Variants in GRAMD1C observed in about 807,000 individuals in gnomAD.
GRAMD1C encodes the protein GRAM domain containing 1C, also known as protein Aster-C.
A neutral mutation model predicts 97.8 loss-of-function variants in GRAMD1C; 89 were observed. The observed-to-expected ratio is 0.91, with a 90% CI of 0.77 to 1.09. GRAMD1C has a LOEUF of 1.09. Ranked by LOEUF, GRAMD1C falls within the 50% of genes least tolerant of loss-of-function variation. The pLI, the probability that GRAMD1C is intolerant of heterozygous loss-of-function variation, is 0.00. For missense variants in GRAMD1C, 740 were observed against 766.4 expected, an observed-to-expected ratio of 0.97 and a Z score of 0.41; for synonymous variants, 256 against 267.0, an observed-to-expected ratio of 0.96 and a Z score of 0.40.
In GRAMD1C at chr3:113,914,388, A is replaced by G. The variant is rs190330373; in HGVS notation, c.953-1313A>G. 5.9e-5 allele frequency among the ~76,000 whole-genome samples: 9 copies of G among 152,338 alleles called. No individual in the cohort carries two copies. The East Asian group carries it at 1.5e-3, about 26-fold the overall frequency. On this transcript the variant is annotated intron_variant, in intron 9 of 17. Transcript: ENST00000358160. ...AAAATAGGGAGACACAAATCATCCAATGAGGGATAAACAGCAGTAGTTGGG... is the reference window on the plus strand; with the variant it reads ...AAAATAGGGAGACACAAATCATCCAGTGAGGGATAAACAGCAGTAGTTGGG...
intron 11 of GRAMD1C, among the ~76,000 whole-genome samples, chr3:113,931,362 A>C (rs1036020936): frequency 7.0e-6 from 1 of 143,044 alleles, no homozygotes; most frequent in African/African-American, 2.6e-5. Context: ...ATATATTCAA[A>C]TTTTTTTTTT....
chr3:113,920,169 C>T, intron 10 of GRAMD1C: 1 of 1,394,786 alleles, frequency 7.2e-7, no homozygotes, highest in Non-Finnish European at 1.0e-6. Flanking sequence ...TCTCCAGAAT[C>T]ACAGGCATCT....
At chr3:113,849,618 C>T (rs1029964523) in intron 2 of GRAMD1C, among the ~76,000 whole-genome samples, 1 of 152,112 alleles carries the variant, frequency 6.6e-6, no homozygotes, top group Non-Finnish European at 1.5e-5. Context: ...GGGGTAAGGT[C>T]ACAGATCAAC....
At chr3:113,942,893 T>G (rs939757790) in intron 17 of GRAMD1C, among the ~76,000 whole-genome samples, 3 of 152,200 alleles carry the variant, frequency 2.0e-5, no homozygotes, top group Non-Finnish European at 4.4e-5. Context: ...GAGGATTCTT[T>G]AGGGTTAATT....
chr3:113,888,085 C>T (rs1338749153), intron 6 of GRAMD1C, among the ~76,000 whole-genome samples: 1 of 152,066 alleles, frequency 6.6e-6, no homozygotes, highest in Non-Finnish European at 1.5e-5. Context: ...CAATCCTTCA[C>T]CCAGTATTCT....
At chr3:113,905,813 A>G (rs1003844040) in intron 8 of GRAMD1C, among the ~76,000 whole-genome samples, 1 of 152,068 alleles carries the variant, frequency 6.6e-6, no homozygotes, top group African/African-American at 2.4e-5. Flanking sequence ...CTTCTGGCTC[A>G]GCCTCCTGAG....
At chr3:113,912,761 C>G (rs1441301920) in intron 9 of GRAMD1C, among the ~76,000 whole-genome samples, 1 of 151,582 alleles carries the variant, frequency 6.6e-6, no homozygotes, top group Non-Finnish European at 1.5e-5. Flanking sequence ...AGATTTAATA[C>G]TTTTTATGTT....
At position 113,928,093 on chromosome 3, in the gene GRAMD1C, T is replaced by C. The variant is rs144726384; in HGVS notation, c.1091-2621T>C. On this transcript the variant is annotated intron_variant, in intron 10 of 17. Coordinates refer to ENST00000358160, the MANE Select transcript of GRAMD1C (RefSeq NM_017577.5). ...CCAGGGAGCTCTCACTCACTCATCCTTTCCCATATTGAGGAGCTTTTCCTG... is the reference window on the plus strand; with the variant it reads ...CCAGGGAGCTCTCACTCACTCATCCCTTCCCATATTGAGGAGCTTTTCCTG... Among the ~76,000 whole-genome samples the C allele has an allele frequency of 2.8e-3, 421 of 152,292 alleles. 4 individuals are homozygous for C. The highest frequency in any genetic ancestry group is 4.4e-3 in the Non-Finnish European group (299 of 68,026).
intron 4 of GRAMD1C, 113 bp downstream of exon 4, chr3:113,875,700 C>T: frequency 1.6e-6 from 1 of 606,396 alleles, no homozygotes; most frequent in South Asian, 2.1e-5. Context: ...TATATTTGTG[C>T]ATCTAAATTA....
In GRAMD1C at chr3:113,869,536, T is replaced by A; in HGVS notation, c.204T>A (p.Asn68Lys). 6.5e-7 allele frequency: 1 copy of A among 1,536,560 alleles called. No individual in the cohort carries two copies. The highest frequency in any genetic ancestry group is 8.9e-7 in the Non-Finnish European group (1 of 1,119,540). ...CAAGTTCCACCTATAAAGACAGGAA[T>A]GAGGAATACAGAAGACAGTTCACAC... ...WISSSTYKDR[N>K]EEYRRQFTHL... is the part of the protein sequence containing the mutation. Residue 68 changes from asparagine to lysine, a missense_variant, in exon 3 of 18, where the codon AAT becomes AAA. Transcript: ENST00000358160.
At chr3:113,915,268 C>T (rs981324326) in intron 9 of GRAMD1C, among the ~76,000 whole-genome samples, 3 of 152,108 alleles carry the variant, frequency 2.0e-5, no homozygotes, top group African/African-American at 7.2e-5. Context: ...ATATTATAGC[C>T]ATTGATAAAT....
intron 5 of GRAMD1C, among the ~76,000 whole-genome samples, chr3:113,878,021 C>T (rs1935115631): frequency 6.6e-6 from 1 of 152,178 alleles, no homozygotes; most frequent in African/African-American, 2.4e-5. Flanking sequence ...CTCAGGCGAT[C>T]CGCTCACCTT....
At chr3:113,834,732 G>A (rs1022612548), upstream of GRAMD1C, among the ~76,000 whole-genome samples, 8 of 149,502 alleles carry the variant, frequency 5.4e-5, no homozygotes, top group African/African-American at 2.0e-4. Context: ...TCAGGAGTTC[G>A]AGACGAGCCT....
At position 113,857,619 on chromosome 3, in the gene GRAMD1C, T is replaced by G. The variant is rs770802536; in HGVS notation, c.175-11888T>G. On this transcript the variant is annotated intron_variant, in intron 2 of 17. Transcript: ENST00000358160. The stretch of plus-strand genomic sequence containing the variant: ...TCTCGATCGCCTGACCTCGTGATCC[T>G]CCCACCTTGGCCTCCCAAAGTGCTG... 5.9e-5 allele frequency among the ~76,000 whole-genome samples: 9 copies of G among 151,974 alleles called. No homozygotes were observed. The East Asian group carries it at 7.7e-4, about 13-fold the overall frequency.
intron 9 of GRAMD1C, among the ~76,000 whole-genome samples, chr3:113,915,191 T>TG (rs2107339604): frequency 6.6e-6 from 1 of 152,356 alleles, no homozygotes; most frequent in South Asian, 2.1e-4. Context: ...CAGTCATTCT[T>TG]GTCTTTGGGT....
chr3:113,933,700 T>C (rs1477470939), intron 12 of GRAMD1C, 47 bp downstream of exon 12: 3 of 1,329,304 alleles, frequency 2.3e-6, no homozygotes, highest in East Asian at 2.4e-5. Flanking sequence ...GATTATGTCC[T>C]GGTAATTTAT....
chr3:113,906,093 G>A (rs1936362583), intron 8 of GRAMD1C, among the ~76,000 whole-genome samples: 1 of 152,180 alleles, frequency 6.6e-6, no homozygotes, highest in Non-Finnish European at 1.5e-5. Flanking sequence ...TGTTTGTGGT[G>A]ATGCTGGTGT....
At chr3:113,863,697 C>T (rs4610201) in intron 2 of GRAMD1C, among the ~76,000 whole-genome samples, 46,084 of 152,022 alleles carry the variant, frequency 0.3, 7,989 homozygotes, top group Non-Finnish European at 0.38. Flanking sequence ...GCCCTGCCTC[C>T]ATGATTTTGC....
chr3:113,897,919 TATGTTTGA>T lies in GRAMD1C; in HGVS notation c.541-3098_541-3091del, dbSNP rs563348227. 607 of 186,584 alleles carry T rather than the reference TATGTTTGA, an allele frequency of 3.3e-3. 4 individuals are homozygous for T. The highest frequency in any genetic ancestry group is 0.014 in the African/African-American group (588 of 42,186). 11.6% of individuals were successfully genotyped at this position (186,584 alleles called of 1,614,324 possible). A position where few individuals can be genotyped will look rare whatever the true frequency, so the allele number is the denominator to read the frequency against. On this transcript the variant is annotated intron_variant, in intron 6 of 17. Coordinates refer to ENST00000358160, the MANE Select transcript of GRAMD1C (RefSeq NM_017577.5). ...AGAATTATGAATATCAGGCTGGGCATATGTTTGAATGTTTGAATGTTCAACATGGCTGT... is the reference window on the plus strand; with the variant it reads ...AGAATTATGAATATCAGGCTGGGCATATGTTTGAATGTTCAACATGGCTGT...
Sources: gnomAD v4.1 joint callset for allele counts (sites outside exome capture counted in the v4.1 genomes callset) on GRCh38, gnomAD v4.1.1 for gene constraint, MANE v1.5 for transcripts, NCBI Gene and HGNC (gene_info 2026-07-23, HGNC 2026-07-21) for gene names.